Variants in BSN observed in about 807,000 individuals in gnomAD.
BSN encodes bassoon presynaptic cytomatrix protein, also known as protein bassoon.
In BSN, 57 loss-of-function variants were observed where a neutral mutation model predicts 264.8. That is an observed-to-expected ratio of 0.22 (90% CI 0.17 to 0.27). BSN has a LOEUF of 0.27. BSN is among the 10% of genes least tolerant of loss of function. BSN has a pLI of 1.00. For missense variants in BSN, 4,615 were observed against 5,232.5 expected, an observed-to-expected ratio of 0.88 and a Z score of 3.64; for synonymous variants, 2,059 against 2,137.3, an observed-to-expected ratio of 0.96 and a Z score of 1.01.
At position 49,661,350 on chromosome 3, in the gene BSN, G is replaced by T. The variant is rs2052652580; in HGVS notation, c.9505G>T (p.Val3169Leu). The T allele has an allele frequency of 1.2e-6, 2 of 1,614,006 alleles. No homozygotes were observed. The highest frequency in any genetic ancestry group is 1.1e-5 in the South Asian group (1 of 91,088). Reference protein sequence around the residue: ...TNYEVIASPVVPMSSAPSETS... With the variant: ...TNYEVIASPVLPMSSAPSETS... ...CTATGAGGTGATCGCCAGCCCCGTT[G>T]TGCCCATGTCTTCAGCCCCATCTGA... The change falls in exon 6 of 12, where the codon GTG becomes TTG. Residue 3169 changes from valine (V) to leucine (L), a missense_variant. Val to Leu is a conservative substitution (Grantham distance 32). Transcript: ENST00000296452.
At chr3:49,588,346 A>G (rs1170150093) in intron 1 of BSN, among the ~76,000 whole-genome samples, 1 of 152,128 alleles carries the variant, frequency 6.6e-6, no homozygotes, top group Non-Finnish European at 1.5e-5. Flanking sequence ...CATCCTTGTC[A>G]TGTTCCAGAT....
At position 49,606,111 on chromosome 3, in the gene BSN, A is replaced by T. The variant is rs866446874; in HGVS notation, c.225-18864A>T. On this transcript the variant is annotated intron_variant, in intron 1 of 11. Transcript: ENST00000296452. ...TTTTATATATAACATATAATATATA[A>T]TATATACGTATATATTATATATACA... Among the ~76,000 whole-genome samples the T allele has an allele frequency of 9.7e-3, 356 of 36,860 alleles. 21 individuals carry two copies. Among genetic ancestry groups the T allele is most frequent in the Non-Finnish European group, 0.013 (295 of 22,334 alleles). The allele number at this position is 36,860 out of a possible 152,430, so 24.2% of individuals were successfully genotyped here.
chr3:49,644,572 C>T (rs577635120), intron 3 of BSN, among the ~76,000 whole-genome samples: 64 of 152,188 alleles, frequency 4.2e-4, no homozygotes, highest in Non-Finnish European at 8.4e-4. Context: ...GGCTCACTGG[C>T]GACAGTTTGC....
At chr3:49,599,569 A>T (rs1329411517) in intron 1 of BSN, among the ~76,000 whole-genome samples, 3 of 152,082 alleles carry the variant, frequency 2.0e-5, no homozygotes, top group Non-Finnish European at 4.4e-5. Flanking sequence ...TTGTTGTCCA[A>T]ACACCACAGA....
intron 5 of BSN, 52 bp downstream of exon 5, chr3:49,658,248 G>C: frequency 1.4e-6 from 2 of 1,479,336 alleles, no homozygotes; most frequent in Non-Finnish European, 1.8e-6. Flanking sequence ...TGCCTAGCCC[G>C]AGGGGCCCCC....
chr3:49,670,373 C>T lies in BSN; in HGVS notation c.*2888C>T, dbSNP rs1448375920. 6.6e-6 allele frequency: 1 copy of T among 152,288 alleles called. No individual in the cohort carries two copies. Among genetic ancestry groups the T allele is most frequent in the African/African-American group, 2.4e-5 (1 of 41,458 alleles). 9.4% of individuals were successfully genotyped at this position (152,288 alleles called of 1,614,324 possible). The stretch of plus-strand genomic sequence containing the variant: ...AGCCTCCAGCAGGCCTAGTCTCAGG[C>T]TCTAAAGTACTGACTTTTCAGCAAA... On this transcript the variant is annotated 3_prime_UTR_variant, in exon 12 of 12. Coordinates refer to ENST00000296452, the MANE Select transcript of BSN (RefSeq NM_003458.4).
intron 1 of BSN, among the ~76,000 whole-genome samples, chr3:49,606,111 A>AATATATAT (rs1559603341): frequency 0.037 from 1,364 of 36,788 alleles, 319 homozygotes; most frequent in Non-Finnish European, 0.041. Flanking sequence ...ATAATATATA[A>AATATATAT]TATATACGTA....
At position 49,587,129 on chromosome 3, in the gene BSN, GGTTAA is replaced by G. The variant is rs1409299679; in HGVS notation, c.224+32309_224+32313del. On this transcript the variant is annotated intron_variant, in intron 1 of 11. Coordinates refer to ENST00000296452, the MANE Select transcript of BSN (RefSeq NM_003458.4). ...CCTTATAGAGATCTTTTACTTCTTT[GGTTAA>G]GTTAATTCCTAGGTATTTAATTTTA... Among the ~76,000 whole-genome samples, 12 of 151,992 alleles carry G rather than the reference GGTTAA, an allele frequency of 7.9e-5. No individual in the cohort carries two copies. The South Asian group carries it at 2.1e-3, about 26-fold the overall frequency.
chr3:49,658,300 T>G, intron 5 of BSN, 104 bp downstream of exon 5: 4 of 1,343,490 alleles, frequency 3.0e-6, no homozygotes, highest in Non-Finnish European at 3.9e-6. Context: ...GAGGCATCTC[T>G]GGCCCCAGAG....
chr3:49,602,044 T>C (rs1442441982), intron 1 of BSN, among the ~76,000 whole-genome samples: 1 of 152,194 alleles, frequency 6.6e-6, no homozygotes, highest in East Asian at 1.9e-4. Context: ...CCTGAGAGCC[T>C]CTCTACTTGG....
intron 1 of BSN, among the ~76,000 whole-genome samples, chr3:49,605,881 GATATAAATATATTTATGTCT>G (rs1322249866): frequency 9.8e-5 from 7 of 71,476 alleles, no homozygotes; most frequent in South Asian, 5.3e-4. Flanking sequence ...TTTATATATA[GATATAAATATATTTATGTCT>G]ATATAAATAG....
chr3:49,576,365 CCT>C (rs1474557921), intron 1 of BSN, among the ~76,000 whole-genome samples: 1 of 151,906 alleles, frequency 6.6e-6, no homozygotes, highest in Non-Finnish European at 1.5e-5. Context: ...TGGGAAATTC[CCT>C]GTTTCTTCCT....
intron 2 of BSN, among the ~76,000 whole-genome samples, chr3:49,639,230 G>A (rs1233811788): frequency 7.4e-6 from 1 of 134,324 alleles, no homozygotes; most frequent in East Asian, 2.1e-4. Context: ...ACAGAGTCTC[G>A]CTCTGTTGCC....
Position 49,663,280 on chromosome 3 carries a change from C to T in BSN, c.11122C>T (p.Pro3708Ser), listed in dbSNP as rs556689892. 2 of 1,614,146 alleles carry T rather than the reference C, an allele frequency of 1.2e-6. No homozygotes were observed. The highest frequency in any genetic ancestry group is 2.2e-5 in the East Asian group (1 of 44,882). ...TCCCAGCTCTGCTGAGTACTCACAG[C>T]CATCCCGTGCTTCATCCGCATACCA... ...GYPSSAEYSQPSRASSAYHHA... is the reference protein window; with the variant it reads ...GYPSSAEYSQSSRASSAYHHA... Residue 3708 changes from proline (P) to serine (S), a missense_variant, in exon 7 of 12, where the codon CCA becomes TCA. This residue lies in a region of BSN where 3,415 missense variants were observed against 3,866.4 expected (regional missense o/e 0.88). Coordinates refer to ENST00000296452, the MANE Select transcript of BSN (RefSeq NM_003458.4).
intron 1 of BSN, among the ~76,000 whole-genome samples, chr3:49,605,204 G>GAGTA (rs2052102975): frequency 7.2e-6 from 1 of 138,990 alleles, no homozygotes; most frequent in African/African-American, 2.7e-5. Context: ...AGGTTGCAGT[G>GAGTA]GAGACCATGC....
In BSN at chr3:49,652,272, G is replaced by A. The variant is rs1310799263; in HGVS notation, c.2716G>A (p.Glu906Lys). The change falls in exon 5 of 12, where the codon GAG becomes AAG. Residue 906 changes from glutamate to lysine, a missense_variant. Physicochemically the swap from Glu to Lys is moderately conservative, Grantham distance 56 (BLOSUM62 1). This residue lies in a region of BSN where 1,197 missense variants were observed against 1,348.0 expected (regional missense o/e 0.89). Coordinates refer to ENST00000296452, the MANE Select transcript of BSN (RefSeq NM_003458.4). Reference protein sequence around the residue: ...RLPHNATTGYEELLPEGGSAE... With the variant: ...RLPHNATTGYKELLPEGGSAE... Reference sequence around the variant, plus strand: ...GCCCCACAATGCCACCACGGGCTATGAGGAGCTGCTCCCTGAGGGAGGCTC... The same window carrying A: ...GCCCCACAATGCCACCACGGGCTATAAGGAGCTGCTCCCTGAGGGAGGCTC... 1 of 1,601,304 alleles carries A rather than the reference G, an allele frequency of 6.2e-7. No individual in the cohort carries two copies. The highest frequency in any genetic ancestry group is 1.7e-5 in the Admixed American group (1 of 58,582).
intron 2 of BSN, among the ~76,000 whole-genome samples, chr3:49,641,971 G>A (rs1366131588): frequency 1.3e-5 from 2 of 152,032 alleles, no homozygotes; most frequent in Non-Finnish European, 2.9e-5. Flanking sequence ...GCACTGCCAG[G>A]GGGTGGCGGG....
chr3:49,592,934 A>C (rs764436214), intron 1 of BSN, among the ~76,000 whole-genome samples: 10 of 152,038 alleles, frequency 6.6e-5, no homozygotes, highest in Non-Finnish European at 8.8e-5. Flanking sequence ...AGTTGTATAC[A>C]ATTTTATCAC....
At position 49,656,664 on chromosome 3, in the gene BSN, G is replaced by T; in HGVS notation, c.7108G>T (p.Glu2370Ter). The T allele has an allele frequency of 6.2e-7, 1 of 1,606,640 alleles. No individual in the cohort carries two copies. Among genetic ancestry groups the T allele is most frequent in the South Asian group, 1.1e-5 (1 of 90,178 alleles). ...GGAGGAGAGGCAGCGGAAGCAACAG[G>T]AGCAGCTGCTCCAGCTAGAGCGGGA... ...SQEERQRKQQ[E>*]QLLQLERERV... The change falls in exon 5 of 12, where the codon GAG becomes TAG. Residue 2370 changes from glutamate (E) to a stop codon, truncating the protein, a stop_gained. Coordinates refer to ENST00000296452, the MANE Select transcript of BSN (RefSeq NM_003458.4). LOFTEE classifies it high-confidence loss of function.
Sources: gnomAD v4.1 joint callset for allele counts (sites outside exome capture counted in the v4.1 genomes callset) on GRCh38, gnomAD v4.1.1 for gene constraint, gnomAD v4.1.1 regional missense constraint, MANE v1.5 for transcripts, NCBI Gene and HGNC (gene_info 2026-07-23, HGNC 2026-07-21) for gene names.